ADAMTSL1: variants seen among roughly 807,000 people sequenced by gnomAD.
The protein encoded by ADAMTSL1 is ADAMTS like 1, also known as ADAMTS-like protein 1.
Under a neutral mutation model 201.8 loss-of-function variants are expected in ADAMTSL1, and 126 were observed. That is an observed-to-expected ratio of 0.62 (90% CI 0.54 to 0.72). ADAMTSL1 has a LOEUF of 0.72. Among genes scored for constraint, ADAMTSL1 ranks in the 30% least tolerant of loss-of-function variants. ADAMTSL1 has a pLI of 0.00. For synonymous variants in ADAMTSL1, 1,121 were observed against 903.4 expected (o/e 1.24, Z -4.32); for missense variants, 2,679 against 2,277.8 (o/e 1.18, Z -3.59).
chr9:17,954,616 A>T lies in ADAMTSL1; in HGVS notation c.87+47694A>T, dbSNP rs533971380. Among the ~76,000 whole-genome samples the T allele has an allele frequency of 7.9e-5, 12 of 152,304 alleles. No homozygotes were observed. The South Asian group carries it at 2.3e-3, about 29-fold the overall frequency. On this transcript the variant is annotated intron_variant, in intron 1 of 29. Coordinates refer to the ADAMTSL1 transcript ENST00000680146. ...AATTGTGTAACTTGGTGAGGCATGG[A>T]AGGAATCATGCTTGATTATTTAATT...
chr9:18,114,569 C>G (rs1164539077), intron 1 of ADAMTSL1, among the ~76,000 whole-genome samples: 1 of 152,106 alleles, frequency 6.6e-6, no homozygotes, highest in African/African-American at 2.4e-5. Flanking sequence ...AAAGACTGTT[C>G]TCAAAATTGT....
chr9:18,287,676 CAT>C, intron 2 of ADAMTSL1, among the ~76,000 whole-genome samples: 1 of 150,458 alleles, frequency 6.6e-6, no homozygotes, highest in African/African-American at 2.4e-5. Context: ...TATGTGTATA[CAT>C]ACATAAATAT....
At chr9:18,221,986 T>A (rs1830277658) in intron 2 of ADAMTSL1, among the ~76,000 whole-genome samples, 1 of 152,072 alleles carries the variant, frequency 6.6e-6, no homozygotes, top group Admixed American at 6.6e-5. Context: ...TACATTCATG[T>A]TTAGATTTGT....
intron 3 of ADAMTSL1, among the ~76,000 whole-genome samples, chr9:18,550,845 T>C (rs926708281): frequency 1.5e-4 from 23 of 151,982 alleles, no homozygotes; most frequent in African/African-American, 5.6e-4. Context: ...AACATATTTG[T>C]GTATTACTAA....
In ADAMTSL1 at chr9:18,684,792, G is replaced by A; in HGVS notation, c.1566G>A (p.Glu522=). ...TAGAAGAAGGAGCTGCTGTGTCAGA[G>A]GAGCCCTCGTAAGTTGTAAAAGCAC... is the stretch of plus-strand genomic sequence containing the variant. ...QELEEGAAVS[E]EPSFIPEAWS... is the part of the protein sequence containing the mutation. The change falls in exon 13 of 29, where the codon GAG becomes GAA. Residue 522 remains glutamate (E), a synonymous_variant. Transcript: ENST00000380548. 1 of 1,611,220 alleles carries A rather than the reference G, an allele frequency of 6.2e-7. No homozygotes were observed. Among genetic ancestry groups the A allele is most frequent in the South Asian group, 1.1e-5 (1 of 89,844 alleles).
chr9:18,219,948 A>C (rs1464920122), intron 2 of ADAMTSL1, among the ~76,000 whole-genome samples: 1 of 152,116 alleles, frequency 6.6e-6, no homozygotes, highest in African/African-American at 2.4e-5. Context: ...GTATCAGAAA[A>C]TAAGGACAGT....
chr9:18,351,787 C>G (rs1835975280), intron 2 of ADAMTSL1, among the ~76,000 whole-genome samples: 1 of 152,144 alleles, frequency 6.6e-6, no homozygotes, highest in Admixed American at 6.5e-5. Flanking sequence ...GCTGGTCTTC[C>G]TGAAACCACA....
intron 2 of ADAMTSL1, among the ~76,000 whole-genome samples, chr9:18,461,971 G>A (rs1820825766): frequency 6.6e-6 from 1 of 151,804 alleles, no homozygotes; most frequent in African/African-American, 2.4e-5. Flanking sequence ...ACTCACATAT[G>A]AAAACTTTCT....
intron 2 of ADAMTSL1, among the ~76,000 whole-genome samples, chr9:18,177,983 T>C (rs1487910586): frequency 6.6e-6 from 1 of 152,152 alleles, no homozygotes; most frequent in Non-Finnish European, 1.5e-5. Context: ...TGGCGGGTGA[T>C]GAAAGTGTTT....
chr9:17,931,245 G>A (rs1826771411), intron 1 of ADAMTSL1, among the ~76,000 whole-genome samples: 1 of 152,178 alleles, frequency 6.6e-6, no homozygotes, highest in African/African-American at 2.4e-5. Flanking sequence ...CAGGATAGGA[G>A]CAGAAATTCG....
intron 1 of ADAMTSL1, among the ~76,000 whole-genome samples, chr9:18,057,043 A>G (rs1452602703): frequency 3.9e-5 from 6 of 152,220 alleles, no homozygotes; most frequent in Admixed American, 3.9e-4. Context: ...TTTAAGGGGC[A>G]TCTGGAAACA....
chr9:17,958,290 A>T (rs1361570163), intron 1 of ADAMTSL1, among the ~76,000 whole-genome samples: 1 of 152,160 alleles, frequency 6.6e-6, no homozygotes, highest in Non-Finnish European at 1.5e-5. Context: ...GGTCCCAATA[A>T]ATGATGTTAT....
intron 2 of ADAMTSL1, among the ~76,000 whole-genome samples, chr9:18,446,094 G>T (rs1178265740): frequency 6.6e-6 from 1 of 152,030 alleles, no homozygotes; most frequent in Non-Finnish European, 1.5e-5. Flanking sequence ...TTCCTGTATT[G>T]AACAACATTT....
chr9:18,682,750 A>T (rs1421818020), intron 12 of ADAMTSL1, among the ~76,000 whole-genome samples: 2 of 152,184 alleles, frequency 1.3e-5, no homozygotes, highest in Non-Finnish European at 1.5e-5. Context: ...TTCTCTGAAA[A>T]ATCAGTCACA....
chr9:18,081,398 A>G (rs1488128760), intron 1 of ADAMTSL1, among the ~76,000 whole-genome samples: 2 of 152,118 alleles, frequency 1.3e-5, no homozygotes, highest in Admixed American at 6.6e-5. Context: ...TCTGCCTTAT[A>G]TTACTCTCAC....
chr9:18,438,146 A>G (rs1819831211), intron 2 of ADAMTSL1, among the ~76,000 whole-genome samples: 1 of 151,870 alleles, frequency 6.6e-6, no homozygotes. Context: ...AAGTCTCTTC[A>G]TTGGCGTTAT....
chr9:18,539,447 G>A (rs1475384826), intron 3 of ADAMTSL1, among the ~76,000 whole-genome samples: 2 of 152,230 alleles, frequency 1.3e-5, no homozygotes, highest in African/African-American at 4.8e-5. Flanking sequence ...CTGGCATTCA[G>A]TGTCTGACAC....
intron 2 of ADAMTSL1, among the ~76,000 whole-genome samples, chr9:18,506,872 C>T (rs772042421): frequency 1.3e-5 from 2 of 151,966 alleles, no homozygotes; most frequent in African/African-American, 2.4e-5. Context: ...GAAAAAAAGC[C>T]TCCAAATAGA....
chr9:18,210,435 T>C (rs1046253037), intron 2 of ADAMTSL1, among the ~76,000 whole-genome samples: 11 of 136,678 alleles, frequency 8.0e-5, no homozygotes, highest in South Asian at 2.1e-4. Context: ...ATAAATATAT[T>C]ATGTATGATA....
Sources: gnomAD v4.1 joint callset for allele counts (sites outside exome capture counted in the v4.1 genomes callset) on GRCh38, gnomAD v4.1.1 for gene constraint, MANE v1.5 for transcripts, NCBI Gene and HGNC (gene_info 2026-07-23, HGNC 2026-07-21) for gene names.